Variants in SYNCRIP observed in about 807,000 individuals in gnomAD.
The protein encoded by SYNCRIP is heterogeneous nuclear ribonucleoprotein Q.
SYNCRIP carries 9 observed loss-of-function variants against 68.9 expected under a neutral mutation model. The observed-to-expected ratio is 0.13, with a 90% confidence interval of 0.08 to 0.23. SYNCRIP has a LOEUF of 0.23. Among genes scored for constraint, SYNCRIP ranks in the 10% least tolerant of loss-of-function variants. The pLI, the probability that SYNCRIP is intolerant of heterozygous loss-of-function variation, is 1.00. For synonymous variants in SYNCRIP, 258 were observed against 254.0 expected, an observed-to-expected ratio of 1.02 and a Z score of -0.15; for missense variants, 414 against 770.6, an observed-to-expected ratio of 0.54 and a Z score of 5.48.
chr6:85,619,637 A>G (rs1435586633), intron 8 of SYNCRIP, among the ~76,000 whole-genome samples: 1 of 152,244 alleles, frequency 6.6e-6, no homozygotes, highest in African/African-American at 2.4e-5. Context: ...AAAAAGATAT[A>G]CAGATGGCAA....
intron 6 of SYNCRIP, among the ~76,000 whole-genome samples, chr6:85,630,762 T>C (rs1285825228): frequency 1.3e-5 from 2 of 152,130 alleles, no homozygotes; most frequent in Non-Finnish European, 2.9e-5. Context: ...AGGTTATTTA[T>C]CCAACACCTA....
intron 6 of SYNCRIP, 151 bp downstream of exon 6, chr6:85,636,816 T>A (rs773406177): frequency 2.0e-5 from 13 of 639,174 alleles, no homozygotes; most frequent in Non-Finnish European, 3.1e-5. Context: ...AGAATAACAC[T>A]ACAATGCTTG....
At chr6:85,636,451 GAAAAGAAAAAAGAAAAATTTCCTTTTTAA>G (rs1389272010) in intron 6 of SYNCRIP, among the ~76,000 whole-genome samples, 4 of 151,240 alleles carry the variant, frequency 2.6e-5, no homozygotes, top group Non-Finnish European at 5.9e-5. Context: ...AAAAAAAAAA[GAAAAGAAAAAAGAAAAATTTCCTTTTTAA>G]AAAAGTTGGA....
At chr6:85,613,538 G>A (rs1805433997), downstream of SYNCRIP, among the ~76,000 whole-genome samples, 1 of 152,144 alleles carries the variant, frequency 6.6e-6, no homozygotes, top group Admixed American at 6.5e-5. Context: ...ACTGTTAGAA[G>A]TATAGACCAT....
chr6:85,640,714 ACT>A (rs1206088894), intron 2 of SYNCRIP, 150 bp from the exon 3 acceptor site: 2 of 538,932 alleles, frequency 3.7e-6, no homozygotes, highest in Non-Finnish European at 6.5e-6. Flanking sequence ...CACTTCAGCC[ACT>A]CTGAACTGAA....
intron 4 of SYNCRIP, 95 bp downstream of exon 4, chr6:85,640,126 C>A: frequency 1.2e-6 from 1 of 810,884 alleles, no homozygotes. Context: ...ATCTCAACAT[C>A]TAACATACAT....
At chr6:85,639,413 G>C (rs1442101695) in intron 4 of SYNCRIP, among the ~76,000 whole-genome samples, 2 of 152,156 alleles carry the variant, frequency 1.3e-5, no homozygotes, top group East Asian at 3.8e-4. Flanking sequence ...TTCACTCACA[G>C]CTAGATCTGT....
downstream of SYNCRIP, chr6:85,608,231 G>C (rs1393119716): frequency 1.3e-5 from 2 of 152,048 alleles, no homozygotes; most frequent in Non-Finnish European, 2.9e-5. Flanking sequence ...AAGGGCGACA[G>C]ACCTCTAAAG....
intron 6 of SYNCRIP, among the ~76,000 whole-genome samples, chr6:85,626,860 T>C (rs764656129): frequency 6.6e-6 from 1 of 152,188 alleles, no homozygotes; most frequent in Non-Finnish European, 1.5e-5. Context: ...CAAGGCATGG[T>C]AGGTAGAAAG....
downstream of SYNCRIP, chr6:85,612,963 TTAAA>T: frequency 6.5e-7 from 1 of 1,547,488 alleles, no homozygotes; most frequent in East Asian, 2.4e-5. Flanking sequence ...ATAAATCATC[TTAAA>T]TTAATAATGT....
chr6:85,613,494 C>G (rs981548414), downstream of SYNCRIP, among the ~76,000 whole-genome samples: 1 of 152,120 alleles, frequency 6.6e-6, no homozygotes, highest in Non-Finnish European at 1.5e-5. Context: ...GACCTAGAGT[C>G]TGTCCCCCAA....
chr6:85,619,023 A>G, intron 9 of SYNCRIP, 84 bp from the exon 10 acceptor site: 1 of 1,404,760 alleles, frequency 7.1e-7, no homozygotes, highest in Non-Finnish European at 9.9e-7. Context: ...ATTTATCATT[A>G]ATGTGGGAAG....
chr6:85,634,085 T>C (rs1023018517), intron 6 of SYNCRIP, among the ~76,000 whole-genome samples: 3 of 152,192 alleles, frequency 2.0e-5, no homozygotes, highest in Non-Finnish European at 2.9e-5. Context: ...TCAAAAAGAA[T>C]GCTTATCTAT....
chr6:85,618,563 C>T (rs573865315), intron 10 of SYNCRIP, among the ~76,000 whole-genome samples: 67 of 151,926 alleles, frequency 4.4e-4, no homozygotes, highest in Non-Finnish European at 8.4e-4. Flanking sequence ...AAAAAAAAAG[C>T]TAGACAGATT....
rs1808935989 is a variant in SYNCRIP at position 85,639,970 on chromosome 6, G to C, written c.375+251C>G. 2.6e-5 allele frequency among the ~76,000 whole-genome samples: 4 copies of C among 152,224 alleles called. No homozygotes were observed. In the South Asian group the frequency reaches 8.3e-4, roughly 32 times the overall value. On this transcript the variant is annotated intron_variant, in intron 4 of 10. Transcript: ENST00000369622. ...TCAAAAAATATTCTAGAGGTATCAT[G>C]GGTGTGTTTCTTTATACTAGGACTA...
At chr6:85,634,576 G>A (rs1414437222) in intron 6 of SYNCRIP, among the ~76,000 whole-genome samples, 1 of 136,226 alleles carries the variant, frequency 7.3e-6, no homozygotes, top group African/African-American at 2.5e-5. Flanking sequence ...ATACACTGGT[G>A]TGTTGTTTTT....
At chr6:85,613,514 A>G (rs920109366), downstream of SYNCRIP, among the ~76,000 whole-genome samples, 2 of 152,146 alleles carry the variant, frequency 1.3e-5, no homozygotes, top group African/African-American at 4.8e-5. Context: ...AAACTCTAAC[A>G]TTTTCCCATC....
Position 85,637,163 on chromosome 6 carries a change from TA to T in SYNCRIP, c.490-21del. 2 of 1,607,046 alleles carry T rather than the reference TA, an allele frequency of 1.2e-6. No individual in the cohort carries two copies. Among genetic ancestry groups the T allele is most frequent in the Non-Finnish European group, 1.7e-6 (2 of 1,177,194 alleles). On this transcript the variant is annotated intron_variant, in intron 5 of 10. Coordinates refer to ENST00000369622, the MANE Select transcript of SYNCRIP (RefSeq NM_006372.5). ...AAATATCTGTAAATTAAATATTAAG[TA>T]AAAACCATGGAGAATTGCTTTAGGA...
chr6:85,609,003 ACT>A (rs1484042138), downstream of SYNCRIP: 1 of 151,944 alleles, frequency 6.6e-6, no homozygotes, highest in Non-Finnish European at 1.5e-5. Flanking sequence ...TGGTATCATC[ACT>A]GAGTAATTAA....
Sources: allele counts gnomAD v4.1 joint callset (sites outside exome capture counted in the v4.1 genomes callset), GRCh38; gene constraint gnomAD v4.1.1; transcripts MANE v1.5; gene names NCBI Gene and HGNC (gene_info 2026-07-23, HGNC 2026-07-21).